The following PLS3 variants were observed in gnomAD, a reference collection of about 807,000 sequenced individuals.
PLS3 encodes the protein plastin 3, also known as plastin-3.
PLS3 carries 11 observed loss-of-function variants against 46.5 expected under a neutral mutation model. That is an observed-to-expected ratio of 0.24 (90% confidence interval 0.15 to 0.39). The LOEUF is 0.39. PLS3 is among the 10% of genes least tolerant of loss of function. The pLI is 1.00. For synonymous variants in PLS3, 167 were observed against 162.2 expected, an observed-to-expected ratio of 1.03 and a Z score of -0.22; for missense variants, 308 against 461.8, an observed-to-expected ratio of 0.67 and a Z score of 3.05.
chrX:115,624,616 T>G (rs1556638215), intron 3 of PLS3, among the ~76,000 whole-genome samples: 1 of 112,276 alleles, frequency 8.9e-6, no homozygotes, highest in Non-Finnish European at 1.9e-5. Flanking sequence ...ATTGTAAAAG[T>G]GTCTTTGAAA....
intron 1 of PLS3, 115 bp downstream of exon 1, chrX:115,561,375 C>T (rs1358606411): frequency 9.1e-6 from 1 of 110,176 alleles, no homozygotes; most frequent in Non-Finnish European, 1.9e-5. Flanking sequence ...TGCGGCGCAC[C>T]GTGGGGCGGG....
intron 2 of PLS3, chrX:115,610,775 G>C: frequency 1.5e-6 from 1 of 655,282 alleles, no homozygotes; most frequent in Non-Finnish European, 2.1e-6. Flanking sequence ...ACTTTTTTAT[G>C]GGTTTTCTGT....
At chrX:115,618,942 C>T (rs782214279) in intron 2 of PLS3, among the ~76,000 whole-genome samples, 1 of 112,190 alleles carries the variant, frequency 8.9e-6, no homozygotes, top group South Asian at 3.7e-4. Context: ...AAGTGGACAA[C>T]GTTTTGATAG....
chrX:115,639,258 G>A (rs1354218563), intron 8 of PLS3, among the ~76,000 whole-genome samples: 6 of 111,757 alleles, frequency 5.4e-5, no homozygotes, highest in Admixed American at 9.5e-5. Context: ...TTCCTTAAGA[G>A]GTAAATGCTA....
chrX:115,596,940 T>G lies in PLS3; in HGVS notation c.-8-13303T>G, dbSNP rs2074395192. On this transcript the variant is annotated intron_variant, in intron 1 of 15. Coordinates refer to ENST00000355899, the MANE Select transcript of PLS3 (RefSeq NM_005032.7). ...CGGGTGGGTCACCTGAGATCAGGAG[T>G]TCGAGACCAGCCTGATCAACCTGGT... Among the ~76,000 whole-genome samples the G allele has an allele frequency of 4.6e-5, 5 of 108,673 alleles. No individual in the cohort carries two copies. The South Asian group carries it at 1.7e-3, about 36-fold the overall frequency. 94.4% of individuals were successfully genotyped at this position (108,673 alleles called of 115,157 possible).
intron 2 of PLS3, among the ~76,000 whole-genome samples, chrX:115,612,764 A>G (rs1161644082): frequency 9.0e-6 from 1 of 111,648 alleles, no homozygotes; most frequent in Non-Finnish European, 1.9e-5. Context: ...CTAGCAATAA[A>G]TTGAGTATTA....
At chrX:115,580,909 T>C (rs1448272023) in intron 1 of PLS3, among the ~76,000 whole-genome samples, 2 of 111,301 alleles carry the variant, frequency 1.8e-5, no homozygotes, top group Non-Finnish European at 3.8e-5. Context: ...ATTTTTTAAA[T>C]TTTTTGTGTG....
rs781913496 is a variant in PLS3, at chrX:115,608,967, G to A, written c.-8-1276G>A. ...TAATGTCTATTGGCCGGGTACGGTG[G>A]CTCACACCTGTAATCCCAGCATTTT... is the stretch of plus-strand genomic sequence containing the variant. On this transcript the variant is annotated intron_variant, in intron 1 of 15. Coordinates refer to ENST00000355899, the MANE Select transcript of PLS3 (RefSeq NM_005032.7). Among the ~76,000 whole-genome samples the A allele has an allele frequency of 5.4e-4, 59 of 109,991 alleles. 2 individuals carry two copies. The highest frequency in any genetic ancestry group is 3.9e-4 in the Admixed American group (4 of 10,168).
chrX:115,643,544 A>G (rs376386361), intron 10 of PLS3, 36 bp downstream of exon 10: 5 of 821,038 alleles, frequency 6.1e-6, no homozygotes, highest in African/African-American at 4.1e-5. Flanking sequence ...GTGTGGGACT[A>G]TAGAGTAGAA....
At chrX:115,630,827 G>GTATATATGTA (rs1344671682) in intron 5 of PLS3, among the ~76,000 whole-genome samples, 3 of 88,417 alleles carry the variant, frequency 3.4e-5, no homozygotes, top group African/African-American at 4.3e-5. Context: ...TATAATACAT[G>GTATATATGTA]TATATATGTA....
intron 1 of PLS3, among the ~76,000 whole-genome samples, chrX:115,594,948 T>C (rs1253359449): frequency 9.0e-6 from 1 of 111,095 alleles, no homozygotes; most frequent in African/African-American, 3.3e-5. Context: ...TACCTTAGCT[T>C]TCTGAAGCTA....
At chrX:115,602,145 G>T (rs374057041) in intron 1 of PLS3, among the ~76,000 whole-genome samples, 1 of 111,675 alleles carries the variant, frequency 9.0e-6, no homozygotes, top group East Asian at 2.8e-4. Flanking sequence ...CTACCATTTA[G>T]TATATATGAC....
chrX:115,602,230 C>G (rs1169531870), intron 1 of PLS3, among the ~76,000 whole-genome samples: 1 of 111,870 alleles, frequency 8.9e-6, no homozygotes, highest in Non-Finnish European at 1.9e-5. Context: ...TAAGCTCTTC[C>G]AGAAAGAAGG....
At chrX:115,626,571 A>G (rs1232396709) in intron 3 of PLS3, among the ~76,000 whole-genome samples, 1 of 111,476 alleles carries the variant, frequency 9.0e-6, no homozygotes, top group Non-Finnish European at 1.9e-5. Flanking sequence ...GGTGTGAGCC[A>G]CCATACCTGG....
intron 1 of PLS3, chrX:115,593,782 A>G (rs1389408981): frequency 8.9e-6 from 1 of 111,836 alleles, no homozygotes; most frequent in African/African-American, 3.2e-5. Context: ...CTTTAAAAAT[A>G]TTATTTATTC....
chrX:115,592,469 C>G (rs2074352100), intron 1 of PLS3, among the ~76,000 whole-genome samples: 1 of 111,722 alleles, frequency 9.0e-6, no homozygotes, highest in Non-Finnish European at 1.9e-5. Flanking sequence ...TCCTAAGACC[C>G]TGATGCTTTC....
At chrX:115,609,229 T>C (rs1404707734) in intron 1 of PLS3, among the ~76,000 whole-genome samples, 5 of 111,386 alleles carry the variant, frequency 4.5e-5, no homozygotes, top group African/African-American at 1.6e-4. Flanking sequence ...TTGGAAATTA[T>C]CTACTGTGAT....
chrX:115,572,531 T>C (rs782125835), intron 1 of PLS3, among the ~76,000 whole-genome samples: 13 of 111,003 alleles, frequency 1.2e-4, no homozygotes, highest in African/African-American at 4.3e-4. Context: ...AAGGAAACTT[T>C]TAAACGTGCC....
intron 1 of PLS3, among the ~76,000 whole-genome samples, chrX:115,608,310 G>A (rs1325146316): frequency 1.8e-5 from 2 of 112,097 alleles, no homozygotes; most frequent in Non-Finnish European, 3.8e-5. Context: ...GTCTAAAAGG[G>A]ATAAATGTAA....
Sources: gnomAD v4.1 joint callset for allele counts (sites outside exome capture counted in the v4.1 genomes callset) on GRCh38, gnomAD v4.1.1 for gene constraint, MANE v1.5 for transcripts, NCBI Gene and HGNC (gene_info 2026-07-23, HGNC 2026-07-21) for gene names.